CTNNA2: variants seen among roughly 807,000 people sequenced by gnomAD.
CTNNA2 encodes the protein catenin alpha 2.
Under a neutral mutation model 101.0 loss-of-function variants are expected in CTNNA2, and 42 were observed. The ratio of observed to expected loss-of-function variants is 0.42; its 90% confidence interval spans 0.32 to 0.54. CTNNA2 has a LOEUF of 0.54. CTNNA2 is among the 20% of genes least tolerant of loss of function. The pLI is 0.14. For missense variants in CTNNA2, 871 were observed against 1,223.1 expected, an observed-to-expected ratio of 0.71 and a Z score of 4.29; for synonymous variants, 450 against 456.4, an observed-to-expected ratio of 0.99 and a Z score of 0.18.
chr2:79,652,690 G>A (rs1681344915), intron 2 of CTNNA2, among the ~76,000 whole-genome samples: 1 of 152,050 alleles, frequency 6.6e-6, no homozygotes, highest in African/African-American at 2.4e-5. Flanking sequence ...TGCCATTTAA[G>A]GTAACATATT....
At chr2:79,287,564 C>G (rs1446618413) in intron 2 of CTNNA2, among the ~76,000 whole-genome samples, 1 of 143,870 alleles carries the variant, frequency 7.0e-6, no homozygotes, top group Non-Finnish European at 1.5e-5. Context: ...AGTTAGGCTG[C>G]TCAGGGGTCA....
chr2:79,294,657 A>C (rs1675931436), intron 2 of CTNNA2, among the ~76,000 whole-genome samples: 1 of 152,154 alleles, frequency 6.6e-6, no homozygotes, highest in Admixed American at 6.5e-5. Flanking sequence ...AGAAGGAATA[A>C]ACTCAGTAAC....
At chr2:79,847,633 AC>A in intron 3 of CTNNA2, among the ~76,000 whole-genome samples, 1 of 150,444 alleles carries the variant, frequency 6.6e-6, no homozygotes. Context: ...TAGAGGTCAC[AC>A]CTGGATTTTG....
intron 3 of CTNNA2, among the ~76,000 whole-genome samples, chr2:79,315,994 A>G (rs1180134225): frequency 6.6e-6 from 1 of 152,090 alleles, no homozygotes; most frequent in African/African-American, 2.4e-5. Context: ...TTTAATTTTT[A>G]TAAAGTCCAA....
At chr2:80,149,778 A>T (rs1206462725) in intron 7 of CTNNA2, among the ~76,000 whole-genome samples, 86 of 83,428 alleles carry the variant, frequency 1.0e-3, no homozygotes, top group African/African-American at 3.8e-3. Flanking sequence ...AATGGATCAC[A>T]CACACACACA....
At chr2:79,824,388 G>C (rs1473039) in intron 3 of CTNNA2, among the ~76,000 whole-genome samples, 3,670 of 152,188 alleles carry the variant, frequency 0.024, 164 homozygotes, top group African/African-American at 0.084. Flanking sequence ...TCCGTGGGCT[G>C]TGTTGGGGTC....
In CTNNA2 at chr2:80,100,528, G is replaced by GT. The variant is rs545170934; in HGVS notation, c.1056+190739dup. On this transcript the variant is annotated intron_variant, in intron 7 of 18. Transcript: ENST00000402739. ...CAAGCATTTTCTATTTACTATATTTGTTTTTTTTCACACATTCTGAAATCC... is the reference window on the plus strand; with the variant it reads ...CAAGCATTTTCTATTTACTATATTTGTTTTTTTTTCACACATTCTGAAATCC... 2.6e-3 allele frequency among the ~76,000 whole-genome samples: 389 copies of GT among 151,824 alleles called. 3 individuals are homozygous for GT. The highest frequency in any genetic ancestry group is 8.4e-3 in the African/African-American group (347 of 41,400).
At position 79,956,842 on chromosome 2, in the gene CTNNA2, G is replaced by GGTTTTTT. The variant is rs1397601735; in HGVS notation, c.1056+47046_1056+47052dup. On this transcript the variant is annotated intron_variant, in intron 7 of 18. Transcript: ENST00000402739. ...TTTTCATTTACTATGAATACGTGTG[G>GGTTTTTT]GTTTTTTTTTTTTTTTTTTTTTTTT... Among the ~76,000 whole-genome samples the GGTTTTTT allele has an allele frequency of 6.2e-3, 401 of 64,350 alleles. 14 individuals are homozygous for GGTTTTTT. Among genetic ancestry groups the GGTTTTTT allele is most frequent in the African/African-American group, 0.027 (382 of 14,100 alleles). 42.2% of individuals were successfully genotyped at this position (64,350 alleles called of 152,430 possible).
intron 7 of CTNNA2, among the ~76,000 whole-genome samples, chr2:80,372,162 T>C (rs562343569): frequency 6.6e-6 from 1 of 152,254 alleles, no homozygotes; most frequent in Non-Finnish European, 1.5e-5. Context: ...TGGATGATAA[T>C]TAGCTGGCAG....
intron 9 of CTNNA2, among the ~76,000 whole-genome samples, chr2:80,505,700 T>C (rs1242929461): frequency 6.6e-6 from 1 of 152,208 alleles, no homozygotes; most frequent in African/African-American, 2.4e-5. Context: ...CCAGTAAGCC[T>C]CATGTACATT....
chr2:79,883,121 A>G (rs1199932908), intron 6 of CTNNA2, among the ~76,000 whole-genome samples: 1 of 152,188 alleles, frequency 6.6e-6, no homozygotes, highest in African/African-American at 2.4e-5. Context: ...CTCTGTTTCT[A>G]GTTGGCCATC....
chr2:79,914,161 C>T lies in CTNNA2; in HGVS notation c.1056+4364C>T, dbSNP rs1320182909. Among the ~76,000 whole-genome samples the T allele has an allele frequency of 8.3e-5, 9 of 107,980 alleles. No individual in the cohort carries two copies. The South Asian group carries it at 1.5e-3, about 17-fold the overall frequency. 70.8% of individuals were successfully genotyped at this position (107,980 alleles called of 152,430 possible). On this transcript the variant is annotated intron_variant, in intron 7 of 18. Transcript: ENST00000402739. ...CAGCCTGGGCGACAGAGCGAGACTC[C>T]GTCTCAAAAAAAAAAAAAAAAAAAA...
At chr2:79,413,646 A>G (rs1384894722) in intron 4 of CTNNA2, among the ~76,000 whole-genome samples, 1 of 151,944 alleles carries the variant, frequency 6.6e-6, no homozygotes, top group Non-Finnish European at 1.5e-5. Context: ...CATACTGTTT[A>G]ACATAATGAT....
chr2:80,641,447 A>G (rs1428654138), intron 18 of CTNNA2, among the ~76,000 whole-genome samples: 1 of 152,158 alleles, frequency 6.6e-6, no homozygotes, highest in Non-Finnish European at 1.5e-5. Flanking sequence ...ATGAATTCAG[A>G]ACACACAGTC....
chr2:80,235,200 G>T (rs968553144), intron 7 of CTNNA2, among the ~76,000 whole-genome samples: 1 of 152,098 alleles, frequency 6.6e-6, no homozygotes, highest in Non-Finnish European at 1.5e-5. Flanking sequence ...ATATATGAAA[G>T]TAAGTTTGTT....
chr2:80,329,878 G>A (rs11888768), intron 7 of CTNNA2, among the ~76,000 whole-genome samples: 1 of 152,180 alleles, frequency 6.6e-6, no homozygotes, highest in Non-Finnish European at 1.5e-5. Context: ...TGGAAACCCA[G>A]GGAAACTTTT....
intron 9 of CTNNA2, among the ~76,000 whole-genome samples, chr2:80,544,237 G>A (rs1270326023): frequency 2.0e-5 from 3 of 151,878 alleles, no homozygotes; most frequent in Middle Eastern, 3.4e-3. Context: ...GAAGACGGAA[G>A]GGGCCAGGAA....
At chr2:80,174,336 T>G (rs185436987) in intron 7 of CTNNA2, among the ~76,000 whole-genome samples, 123 of 152,274 alleles carry the variant, frequency 8.1e-4, no homozygotes, top group Non-Finnish European at 1.4e-3. Context: ...TTGATGATGG[T>G]GCTCACCTAT....
intron 7 of CTNNA2, among the ~76,000 whole-genome samples, chr2:80,170,189 GTC>G (rs773434399): frequency 4.3e-4 from 63 of 146,998 alleles, no homozygotes; most frequent in Non-Finnish European, 3.5e-4. Context: ...CTGCCTGCTT[GTC>G]TCTCTCTCTC....
Sources: gnomAD v4.1 joint callset for allele counts (sites outside exome capture counted in the v4.1 genomes callset) on GRCh38, gnomAD v4.1.1 for gene constraint, MANE v1.5 for transcripts, NCBI Gene and HGNC (gene_info 2026-07-23, HGNC 2026-07-21) for gene names.